SLC19A2: variants seen among roughly 807,000 people sequenced by gnomAD.
SLC19A2 encodes solute carrier family 19 member 2.
SLC19A2 carries 27 observed loss-of-function variants against 44.7 expected under a neutral mutation model. The observed-to-expected ratio is 0.60, with a 90% CI of 0.45 to 0.83. The LOEUF is 0.83. Ranked by LOEUF, SLC19A2 falls within the 40% of genes least tolerant of loss-of-function variation. SLC19A2 has a pLI of 0.00. For missense variants in SLC19A2, 566 were observed against 613.7 expected (o/e 0.92, Z 0.82); for synonymous variants, 239 against 243.6 (o/e 0.98, Z 0.18).
chr1:169,465,766 T>C lies in SLC19A2; in HGVS notation c.*83A>G. Reference sequence around the variant, plus strand: ...CAAGAAATGCACATTCATAAATATATGTCTACGCTTTAAAAAATCAAACAC... The same window carrying C: ...CAAGAAATGCACATTCATAAATATACGTCTACGCTTTAAAAAATCAAACAC... On this transcript the variant is annotated 3_prime_UTR_variant, in exon 6 of 6. Coordinates refer to ENST00000236137, the MANE Select transcript of SLC19A2 (RefSeq NM_006996.3). 3 of 1,458,870 alleles carry C rather than the reference T, an allele frequency of 2.1e-6. No individual in the cohort carries two copies. In the Admixed American group the frequency reaches 5.0e-5, roughly 24 times the overall value. The allele number at this position is 1,458,870 out of a possible 1,614,324, so 90.4% of individuals were successfully genotyped here.
intron 3 of SLC19A2, 74 bp from the exon 4 acceptor site, chr1:169,468,910 A>G: frequency 7.3e-7 from 1 of 1,374,266 alleles, no homozygotes; most frequent in Non-Finnish European, 1.0e-6. Flanking sequence ...AACTCAGCTT[A>G]GATTATTAAA....
chr1:169,485,463 C>T lies in SLC19A2; in HGVS notation c.204+100G>A, dbSNP rs942561647. 3.6e-5 allele frequency: 48 copies of T among 1,325,064 alleles called. No individual in the cohort carries two copies. The East Asian group carries it at 1.1e-3, about 29-fold the overall frequency. The allele number at this position is 1,325,064 out of a possible 1,614,324, so 82.1% of individuals were successfully genotyped here. A position where few individuals can be genotyped will look rare whatever the true frequency, so the allele number is the denominator to read the frequency against. ...AACTGGCAAAATCAGAAATCTCTGC[C>T]GAGAATGGCTCGAGCGCTTTTCTCG... On this transcript the variant is annotated intron_variant, in intron 1 of 5. Transcript: ENST00000236137.
At chr1:169,474,106 G>T (rs146643548) in intron 2 of SLC19A2, 253 of 152,140 alleles carry the variant, frequency 1.7e-3, no homozygotes, top group African/African-American at 5.5e-3. Flanking sequence ...TGGTTCTCAG[G>T]GTTTATTGTA....
chr1:169,469,073 A>C, intron 3 of SLC19A2: 1 of 526,518 alleles, frequency 1.9e-6, no homozygotes, highest in South Asian at 2.1e-5. Context: ...ATGAAAATGC[A>C]GGACAAAGAC....
intron 2 of SLC19A2, chr1:169,474,123 T>C (rs973736977): frequency 1.3e-5 from 2 of 152,204 alleles, no homozygotes; most frequent in African/African-American, 2.4e-5. Flanking sequence ...TGTAGTTTTT[T>C]ATTTTTATGG....
chr1:169,469,971 G>A lies in SLC19A2; in HGVS notation c.1023C>T (p.Thr341=). 1 of 1,613,538 alleles carries A rather than the reference G, an allele frequency of 6.2e-7. No individual in the cohort carries two copies. ...IYNGGVEAVS[T]LLGAVAVFAV... ...TTATCCTGCATTGCTTACCCAGTAA[G>A]GTTGAAACGGCCTCCACGCCACCAT... Residue 341 remains threonine, a synonymous_variant, in exon 3 of 6, where the codon ACC becomes ACT. Transcript: ENST00000236137.
chr1:169,480,983 A>G (rs113972485), intron 1 of SLC19A2, among the ~76,000 whole-genome samples: 52 of 152,354 alleles, frequency 3.4e-4, no homozygotes, highest in African/African-American at 1.2e-3. Flanking sequence ...CCAACCTTGC[A>G]ATAACAACTA....
At chr1:169,478,327 C>T (rs938272132) in intron 1 of SLC19A2, among the ~76,000 whole-genome samples, 1 of 151,548 alleles carries the variant, frequency 6.6e-6, no homozygotes, top group South Asian at 2.1e-4. Context: ...TGTATTACAA[C>T]ATTCAAACCC....
chr1:169,470,353 G>A (rs1318323638), intron 2 of SLC19A2, among the ~76,000 whole-genome samples, 167 bp from the exon 3 acceptor site: 1 of 152,118 alleles, frequency 6.6e-6, no homozygotes, highest in African/African-American at 2.4e-5. Flanking sequence ...CGAAAAATAT[G>A]TTCTCATAGG....
intron 5 of SLC19A2, among the ~76,000 whole-genome samples, chr1:169,466,709 A>G (rs111340557): frequency 5.6e-4 from 85 of 151,962 alleles, no homozygotes; most frequent in African/African-American, 1.9e-3. Flanking sequence ...ACAGGCCCCA[A>G]TGTGTGTTGT....
In SLC19A2 at chr1:169,469,945, A is replaced by G. The variant is rs200952135; in HGVS notation, c.1030+19T>C. 2.8e-4 allele frequency: 455 copies of G among 1,608,990 alleles called. 3 individuals are homozygous for G. The African/African-American group carries it at 5.2e-3, about 18-fold the overall frequency. Reference sequence around the variant, plus strand: ...AATCCCTCCCCCACCACGACCCTCTATTATCCTGCATTGCTTACCCAGTAA... The same window carrying G: ...AATCCCTCCCCCACCACGACCCTCTGTTATCCTGCATTGCTTACCCAGTAA... On this transcript the variant is annotated intron_variant, in intron 3 of 5. Transcript: ENST00000236137.
chr1:169,481,840 TC>T (rs1485023388), intron 1 of SLC19A2, among the ~76,000 whole-genome samples: 2 of 152,228 alleles, frequency 1.3e-5, no homozygotes, highest in African/African-American at 2.4e-5. Flanking sequence ...GAATCAAGTT[TC>T]AATTAAACAA....
Position 169,470,202 on chromosome 1 carries a change from G to GAAC in SLC19A2, c.808-19_808-17dup, listed in dbSNP as rs1407480719. ...GCTTGGGTTCCTACATAGCAAAAGG[G>GAAC]AACAATGCTCAAACTCTGATGAAGG... is the stretch of plus-strand genomic sequence containing the variant. On this transcript the variant is annotated splice_polypyrimidine_tract_variant and intron_variant, in intron 2 of 5. Coordinates refer to ENST00000236137, the MANE Select transcript of SLC19A2 (RefSeq NM_006996.3). 1 of 1,605,310 alleles carries GAAC rather than the reference G, an allele frequency of 6.2e-7. No individual in the cohort carries two copies. Among genetic ancestry groups the GAAC allele is most frequent in the Non-Finnish European group, 8.5e-7 (1 of 1,172,424 alleles).
At chr1:169,475,964 T>A (rs970087976) in intron 2 of SLC19A2, among the ~76,000 whole-genome samples, 1 of 152,212 alleles carries the variant, frequency 6.6e-6, no homozygotes, top group Non-Finnish European at 1.5e-5. Flanking sequence ...GGTTCTTTAT[T>A]ATCAGCCAGC....
At chr1:169,478,439 C>A (rs900920951) in intron 1 of SLC19A2, among the ~76,000 whole-genome samples, 4 of 151,528 alleles carry the variant, frequency 2.6e-5, no homozygotes, top group Admixed American at 2.6e-4. Context: ...CTGCAACCTC[C>A]GCCTCAGGTG....
At chr1:169,468,373 T>C (rs1325724654) in intron 4 of SLC19A2, 121 bp from the exon 5 acceptor site, 2 of 881,178 alleles carry the variant, frequency 2.3e-6, no homozygotes, top group East Asian at 2.6e-5. Context: ...CTACTGTCAA[T>C]TGCCTTTCCA....
chr1:169,474,276 A>G (rs1658258878), intron 2 of SLC19A2: 1 of 152,244 alleles, frequency 6.6e-6, no homozygotes, highest in African/African-American at 2.4e-5. Flanking sequence ...AACACTTACT[A>G]GTAGTAAAAG....
Position 169,477,661 on chromosome 1 carries a change from C to A in SLC19A2, c.301G>T (p.Val101Phe). Residue 101 changes from valine (V) to phenylalanine (F), a missense_variant, in exon 2 of 6, where the codon GTT becomes TTT. Transcript: ENST00000236137. ...ATDYLRYKPV[V>F]LLQGLSLIVT... ...ATAAGGCTGAGCCCCTGCAGTAGAA[C>A]AACAGGTTTATAACGGAGGTAGTCT... is the stretch of plus-strand genomic sequence containing the variant. The A allele has an allele frequency of 6.8e-6, 11 of 1,613,564 alleles. No homozygotes were observed. Among genetic ancestry groups the A allele is most frequent in the African/African-American group, 1.3e-5 (1 of 74,830 alleles).
rs148027038 is a variant in SLC19A2, at chr1:169,468,164, G to A, written c.1312C>T (p.Leu438Phe). 7 of 1,613,824 alleles carry A rather than the reference G, an allele frequency of 4.3e-6. No homozygotes were observed. The highest frequency in any genetic ancestry group is 1.6e-4 in the Middle Eastern group (1 of 6,082). The change falls in exon 5 of 6, where the codon CTC (leucine) becomes TTC (phenylalanine). Residue 438 changes from leucine to phenylalanine, a missense_variant. Leu to Phe is a conservative substitution (Grantham distance 22). Transcript: ENST00000236137. ...CTGGCATCTACCACAATTAGAGTGA[G>A]CAGCGTCTGCAGTGCCAGGGCAATG... ...TFIALALQTL[L>F]TLIVVDASGL... is the part of the protein sequence containing the mutation.
Sources: allele counts gnomAD v4.1 joint callset (sites outside exome capture counted in the v4.1 genomes callset), GRCh38; gene constraint gnomAD v4.1.1; transcripts MANE v1.5; gene names NCBI Gene and HGNC (gene_info 2026-07-23, HGNC 2026-07-21).